Variants in MYO10 observed in about 807,000 individuals in gnomAD.
MYO10 encodes unconventional myosin-X.
Under a neutral mutation model 257.3 loss-of-function variants are expected in MYO10, and 133 were observed. That is an observed-to-expected ratio of 0.52 (90% CI 0.45 to 0.60). The LOEUF (loss-of-function observed/expected upper bound fraction) is 0.60, where lower values mean the gene tolerates loss of function less well. MYO10 is among the 20% of genes least tolerant of loss of function. MYO10 has a pLI of 0.00. For synonymous variants in MYO10, 1,104 were observed against 1,028.6 expected (o/e 1.07, Z -1.40); for missense variants, 2,399 against 2,635.7 (o/e 0.91, Z 1.97).
chr5:16,868,418 C>G (rs1238291252), intron 2 of MYO10, among the ~76,000 whole-genome samples: 1 of 152,162 alleles, frequency 6.6e-6, no homozygotes, highest in Non-Finnish European at 1.5e-5. Flanking sequence ...TCCTGGCTAA[C>G]ACGGTGAAAC....
intron 18 of MYO10, among the ~76,000 whole-genome samples, chr5:16,755,797 A>T (rs1394963531): frequency 6.7e-6 from 1 of 149,658 alleles, no homozygotes; most frequent in Non-Finnish European, 1.5e-5. Context: ...TCTCATTACC[A>T]GCTTCAGCTC....
chr5:16,791,545 T>TACAC (rs71595985), intron 4 of MYO10, among the ~76,000 whole-genome samples: 134 of 35,646 alleles, frequency 3.8e-3, no homozygotes, highest in African/African-American at 0.012. Flanking sequence ...AATACATACA[T>TACAC]ACACACACAC....
At chr5:16,906,522 A>G (rs1745523898) in intron 1 of MYO10, among the ~76,000 whole-genome samples, 1 of 152,222 alleles carries the variant, frequency 6.6e-6, no homozygotes, top group Non-Finnish European at 1.5e-5. Flanking sequence ...GAAGAGAGCT[A>G]CTGCTTCTTC....
chr5:16,726,246 C>T (rs1251294018), intron 19 of MYO10, among the ~76,000 whole-genome samples: 1 of 152,168 alleles, frequency 6.6e-6, no homozygotes, highest in Non-Finnish European at 1.5e-5. Context: ...TGGTTCCATT[C>T]TGGCACATAG....
intron 25 of MYO10, chr5:16,699,786 CAAAAAAAAAA>C (rs1203905060): frequency 5.1e-4 from 27 of 53,304 alleles, no homozygotes; most frequent in Non-Finnish European, 1.3e-4. Context: ...GCCTCAGTCT[CAAAAAAAAAA>C]AAAAAAAAAA....
intron 1 of MYO10, among the ~76,000 whole-genome samples, chr5:16,886,213 C>A (rs1397436243): frequency 6.6e-6 from 1 of 152,182 alleles, no homozygotes; most frequent in Non-Finnish European, 1.5e-5. Flanking sequence ...AAGCTCCACC[C>A]TGACCAACTA....
chr5:16,828,609 G>A (rs1743069598), intron 2 of MYO10, among the ~76,000 whole-genome samples: 1 of 130,102 alleles, frequency 7.7e-6, no homozygotes, highest in Admixed American at 8.5e-5. Context: ...GACAGAGAGA[G>A]ACTCTGTCTC....
chr5:16,807,053 C>CTGTG (rs2126693764), intron 3 of MYO10, among the ~76,000 whole-genome samples: 1 of 152,320 alleles, frequency 6.6e-6, no homozygotes, highest in East Asian at 1.9e-4. Context: ...TATTTAAAGT[C>CTGTG]TGTGCTATGG....
At chr5:16,723,113 A>C (rs535602829) in intron 19 of MYO10, among the ~76,000 whole-genome samples, 2 of 152,280 alleles carry the variant, frequency 1.3e-5, no homozygotes, top group South Asian at 4.1e-4. Context: ...GTGGTGGCTC[A>C]CGCCTGTAAT....
At chr5:16,775,183 G>A (rs1395444342) in intron 9 of MYO10, among the ~76,000 whole-genome samples, 1 of 152,162 alleles carries the variant, frequency 6.6e-6, no homozygotes, top group Non-Finnish European at 1.5e-5. Context: ...ACTTTAAGGG[G>A]CAATTTGAAG....
chr5:16,862,949 G>A (rs2126747403), intron 2 of MYO10, among the ~76,000 whole-genome samples: 1 of 152,270 alleles, frequency 6.6e-6, no homozygotes, highest in African/African-American at 2.4e-5. Flanking sequence ...CTACCTAGAA[G>A]CTGAGTCTGG....
chr5:16,905,581 C>T (rs1370770381), intron 1 of MYO10, among the ~76,000 whole-genome samples: 2 of 152,176 alleles, frequency 1.3e-5, no homozygotes, highest in African/African-American at 2.4e-5. Flanking sequence ...TCTCAGACCT[C>T]CACTGACCGA....
At chr5:16,732,851 G>A (rs535379021) in intron 19 of MYO10, among the ~76,000 whole-genome samples, 4 of 152,234 alleles carry the variant, frequency 2.6e-5, no homozygotes, top group African/African-American at 9.6e-5. Flanking sequence ...GGTATTGTAA[G>A]AGCTGAGCGC....
chr5:16,840,475 C>G (rs1194132792), intron 2 of MYO10, among the ~76,000 whole-genome samples: 3 of 151,904 alleles, frequency 2.0e-5, no homozygotes, highest in Non-Finnish European at 4.4e-5. Context: ...CTTAAGCATA[C>G]CTGTCCTGTG....
intron 19 of MYO10, among the ~76,000 whole-genome samples, chr5:16,731,866 C>T (rs1008661441): frequency 3.3e-5 from 5 of 152,186 alleles, no homozygotes; most frequent in Admixed American, 6.5e-5. Context: ...GGATCATTCA[C>T]GGCTGGACAC....
rs546469368 is a variant in MYO10, at chr5:16,701,443, G to A, written c.2952C>T (p.Phe984=). 14 of 1,613,958 alleles carry A rather than the reference G, an allele frequency of 8.7e-6. 1 individual carries two copies. The African/African-American group carries it at 1.6e-4, about 18-fold the overall frequency. Residue 984 remains phenylalanine (F), a synonymous_variant, in exon 25 of 41, where the codon TTC becomes TTT. Coordinates refer to ENST00000513610, the MANE Select transcript of MYO10 (RefSeq NM_012334.3). This position sits in a 1 kb window ranked among gnomAD's most constrained non-coding sequence, Gnocchi z 8.1. Reference sequence around the variant, plus strand: ...CCTCCTCCTCTGGGTAGGGCTGGCTGAAGTTGAAGTTGGGCTTCTCCTCGC... The same window carrying A: ...CCTCCTCCTCTGGGTAGGGCTGGCTAAAGTTGAAGTTGGGCTTCTCCTCGC... The part of the protein sequence containing the change: ...SACEEKPNFN[F]SQPYPEEEVD...
intron 3 of MYO10, among the ~76,000 whole-genome samples, chr5:16,798,148 C>A (rs1473142121): frequency 6.6e-6 from 1 of 152,196 alleles, no homozygotes; most frequent in African/African-American, 2.4e-5. Context: ...CAGCGCCATG[C>A]TCTTGGACTG....
chr5:16,673,741 A>T lies in MYO10; in HGVS notation c.5113T>A (p.Tyr1705Asn). 1 of 1,614,024 alleles carries T rather than the reference A, an allele frequency of 6.2e-7. No individual in the cohort carries two copies. The highest frequency in any genetic ancestry group is 1.7e-5 in the Admixed American group (1 of 60,034). Residue 1705 changes from tyrosine to asparagine, a missense_variant, in exon 36 of 41, where the codon TAT becomes AAT. By Grantham distance (143) the Tyr-to-Asn change is moderately radical (BLOSUM62 -2). Coordinates refer to ENST00000513610, the MANE Select transcript of MYO10 (RefSeq NM_012334.3). ...IHRQEMTSTVYCHGGGSCKIT... is the reference protein window; with the variant it reads ...IHRQEMTSTVNCHGGGSCKIT... ...TTGCAGGAGCCGCCGCCATGGCAATAGACCGTGGATGTCATTTCCTGCCTG... is the reference window on the plus strand; with the variant it reads ...TTGCAGGAGCCGCCGCCATGGCAATTGACCGTGGATGTCATTTCCTGCCTG...
At position 16,666,521 on chromosome 5, in the gene MYO10, A is replaced by G; in HGVS notation, c.*171T>C. ...AAAGTTGACAGCTTAATACAGGATC[A>G]ATGAAGGCGGCAGGCAAAAGGATCC... On this transcript the variant is annotated 3_prime_UTR_variant, in exon 41 of 41. Transcript: ENST00000513610. 1.7e-6 allele frequency: 1 copy of G among 590,094 alleles called. No homozygotes were observed. The highest frequency in any genetic ancestry group is 3.0e-6 in the Non-Finnish European group (1 of 332,960). The allele number at this position is 590,094 out of a possible 1,614,324, so 36.6% of individuals were successfully genotyped here.
Sources: gnomAD v4.1 joint callset for allele counts (sites outside exome capture counted in the v4.1 genomes callset) on GRCh38, gnomAD v4.1.1 for gene constraint, Gnocchi (gnomAD v3.1) non-coding constraint, MANE v1.5 for transcripts, NCBI Gene and HGNC (gene_info 2026-07-23, HGNC 2026-07-21) for gene names.